Variants in PTPN14 observed in about 807,000 individuals in gnomAD.
The protein encoded by PTPN14 is tyrosine-protein phosphatase non-receptor type 14.
PTPN14 carries 53 observed loss-of-function variants against 126.8 expected under a neutral mutation model. The ratio of observed to expected loss-of-function variants is 0.42; its 90% confidence interval spans 0.34 to 0.53. The LOEUF (loss-of-function observed/expected upper bound fraction) is 0.53. PTPN14 is among the 20% of genes least tolerant of loss of function. The pLI is 0.08. For missense variants in PTPN14, 1,257 were observed against 1,552.9 expected (o/e 0.81, Z 3.20); for synonymous variants, 630 against 599.3 (o/e 1.05, Z -0.75).
rs1360287789 is a variant in PTPN14, at chr1:214,551,547, A to C, written c.-519T>G. On this transcript the variant is annotated 5_prime_UTR_variant, in exon 1 of 19. Transcript: ENST00000366956. The stretch of plus-strand genomic sequence containing the variant: ...CGGCTGAGCCCGGAGAAGCACAGCA[A>C]CCTGCCCCCGAGTCTGCGCCCGCTG... 1.3e-5 allele frequency: 2 copies of C among 152,126 alleles called. No homozygotes were observed. The highest frequency in any genetic ancestry group is 4.8e-5 in the African/African-American group (2 of 41,378). The allele number at this position is 152,126 out of a possible 1,614,324, so 9.4% of individuals were successfully genotyped here. A position where few individuals can be genotyped will look rare whatever the true frequency, so the allele number is the denominator to read the frequency against.
chr1:214,436,900 T>C (rs965812290), intron 3 of PTPN14, among the ~76,000 whole-genome samples: 2 of 152,104 alleles, frequency 1.3e-5, no homozygotes, highest in Admixed American at 6.5e-5. Context: ...TGGGTGTGCT[T>C]GTATGCATGC....
chr1:214,429,460 T>A (rs897705731), intron 3 of PTPN14, among the ~76,000 whole-genome samples: 1 of 152,248 alleles, frequency 6.6e-6, no homozygotes, highest in Non-Finnish European at 1.5e-5. Flanking sequence ...TTTATAATTC[T>A]TAATTTGAAC....
intron 1 of PTPN14, among the ~76,000 whole-genome samples, chr1:214,500,423 C>T (rs369813786): frequency 2.6e-5 from 4 of 152,146 alleles, no homozygotes; most frequent in East Asian, 3.9e-4. Flanking sequence ...TTGGATTCAA[C>T]TCTCTACTTG....
chr1:214,413,535 C>G (rs17022839), intron 4 of PTPN14, among the ~76,000 whole-genome samples: 4 of 152,216 alleles, frequency 2.6e-5, no homozygotes, highest in African/African-American at 9.7e-5. Context: ...TCTAAAACAA[C>G]AGTCCATGCA....
chr1:214,519,297 C>T (rs576466454), intron 1 of PTPN14, among the ~76,000 whole-genome samples: 1 of 152,046 alleles, frequency 6.6e-6, no homozygotes. Flanking sequence ...ACTCAACAAT[C>T]AAGAGGGAAG....
chr1:214,474,663 C>T (rs958363390), intron 1 of PTPN14, among the ~76,000 whole-genome samples: 1 of 152,132 alleles, frequency 6.6e-6, no homozygotes, highest in Non-Finnish European at 1.5e-5. Flanking sequence ...CTCCATAACC[C>T]GGAAGCACTT....
chr1:214,388,096 G>GA (rs961123752), intron 11 of PTPN14, among the ~76,000 whole-genome samples: 1 of 151,848 alleles, frequency 6.6e-6, no homozygotes, highest in East Asian at 1.9e-4. Flanking sequence ...AGTTTTCAGA[G>GA]AAAAAAACAA....
intron 1 of PTPN14, among the ~76,000 whole-genome samples, chr1:214,499,530 CT>C (rs1337605806): frequency 6.6e-6 from 1 of 152,150 alleles, no homozygotes; most frequent in Non-Finnish European, 1.5e-5. Flanking sequence ...AAGATTTGTA[CT>C]TTTAAAATTT....
chr1:214,368,565 C>A (rs1419332085), intron 17 of PTPN14, among the ~76,000 whole-genome samples: 2 of 152,050 alleles, frequency 1.3e-5, no homozygotes, highest in South Asian at 2.1e-4. Flanking sequence ...ATAAAACTTA[C>A]CAGTTTAACC....
chr1:214,411,741 T>A lies in PTPN14; in HGVS notation c.453A>T (p.Gly151=). 6.6e-7 allele frequency: 1 copy of A among 1,506,456 alleles called. No individual in the cohort carries two copies. Among genetic ancestry groups the A allele is most frequent in the Non-Finnish European group, 9.1e-7 (1 of 1,093,712 alleles). 93.3% of individuals were successfully genotyped at this position (1,506,456 alleles called of 1,614,324 possible). The change falls in exon 5 of 19, where the codon GGA becomes GGT. Residue 151 remains glycine, a synonymous_variant. Transcript: ENST00000366956. ...LAGLAVQADF[G]DYNQFDSQDF... is the part of the protein sequence containing the mutation. ...CTTGAGAATCAAACTGATTATAGTC[T>A]CCAAAATCAGCTGAGAAGAAAAGAA...
intron 1 of PTPN14, among the ~76,000 whole-genome samples, chr1:214,539,505 G>A (rs114710581): frequency 0.014 from 2,187 of 152,266 alleles, 54 homozygotes; most frequent in African/African-American, 0.05. Context: ...CTTCTGGCCT[G>A]ATGTGCTGCT....
chr1:214,372,715 T>C lies in PTPN14; in HGVS notation c.3032A>G (p.Glu1011Gly), dbSNP rs1467572884. 2 of 1,614,156 alleles carry C rather than the reference T, an allele frequency of 1.2e-6. No individual in the cohort carries two copies. The highest frequency in any genetic ancestry group is 1.3e-5 in the African/African-American group (1 of 75,054). The change falls in exon 16 of 19, where the codon GAG (glutamate) becomes GGG (glycine). Residue 1011 changes from glutamate (E) to glycine (G), a missense_variant. Transcript: ENST00000366956. Reference sequence around the variant, plus strand: ...GGAGTAGGCCATTCCCCTTACCTCCTCTGCAGTGACCATGGCAATCACATT... The same window carrying C: ...GGAGTAGGCCATTCCCCTTACCTCCCCTGCAGTGACCATGGCAATCACATT... ...GVNVIAMVTA[E>G]EEGGRTKSHR...
intron 1 of PTPN14, chr1:214,532,876 AC>A: frequency 9.6e-7 from 1 of 1,045,320 alleles, no homozygotes; most frequent in Non-Finnish European, 1.5e-6. Context: ...CTCTGGGTTG[AC>A]CATGGAGGTT....
chr1:214,426,452 T>C (rs1487243517), intron 3 of PTPN14, among the ~76,000 whole-genome samples: 3 of 152,156 alleles, frequency 2.0e-5, no homozygotes, highest in Non-Finnish European at 4.4e-5. Context: ...AGTTTTCTAA[T>C]TGCCTTAGTT....
intron 1 of PTPN14, among the ~76,000 whole-genome samples, chr1:214,478,762 A>C (rs1660920454): frequency 6.6e-6 from 1 of 152,168 alleles, no homozygotes; most frequent in South Asian, 2.1e-4. Flanking sequence ...CAATTTACAG[A>C]TAAGGAAACT....
chr1:214,519,598 C>G (rs1571641278), intron 1 of PTPN14, among the ~76,000 whole-genome samples: 1 of 152,152 alleles, frequency 6.6e-6, no homozygotes, highest in South Asian at 2.1e-4. Context: ...CTTGTTAAAC[C>G]AATCCTGCCT....
At chr1:214,518,798 TTAAG>T (rs1558138872) in intron 1 of PTPN14, among the ~76,000 whole-genome samples, 1 of 152,184 alleles carries the variant, frequency 6.6e-6, no homozygotes, top group Non-Finnish European at 1.5e-5. Flanking sequence ...AGAGGTAAAA[TTAAG>T]TAACTACGCT....
intron 3 of PTPN14, among the ~76,000 whole-genome samples, chr1:214,424,848 C>T (rs1488949328): frequency 6.6e-6 from 1 of 151,488 alleles, no homozygotes; most frequent in African/African-American, 2.4e-5. Context: ...CGTGCCCGGC[C>T]CGCCCACCCT....
intron 14 of PTPN14, among the ~76,000 whole-genome samples, chr1:214,377,005 G>A (rs953367911): frequency 6.6e-6 from 1 of 152,176 alleles, no homozygotes; most frequent in Non-Finnish European, 1.5e-5. Context: ...TATACAACCT[G>A]TTTCTTAACC....
Sources: allele counts gnomAD v4.1 joint callset (sites outside exome capture counted in the v4.1 genomes callset), GRCh38; gene constraint gnomAD v4.1.1; transcripts MANE v1.5; gene names NCBI Gene and HGNC (gene_info 2026-07-23, HGNC 2026-07-21).